The following TSNAXIP1 variants were observed in gnomAD, a reference collection of about 807,000 sequenced individuals.
The protein encoded by TSNAXIP1 is translin-associated factor X-interacting protein 1.
In TSNAXIP1, 89 loss-of-function variants were observed where a neutral mutation model predicts 84.8. The ratio of observed to expected loss-of-function variants is 1.05; its 90% CI spans 0.88 to 1.25. The LOEUF (loss-of-function observed/expected upper bound fraction) is 1.25. TSNAXIP1 is among the 50% of genes most tolerant of loss of function. The probability of loss-of-function intolerance (pLI) is 0.00; values close to 1 mark genes in which losing one functional copy is unlikely to be tolerated. For missense variants in TSNAXIP1, 874 were observed against 887.6 expected (o/e 0.98, Z 0.20); for synonymous variants, 347 against 335.2 (o/e 1.04, Z -0.39).
At chr16:67,821,711 C>T (rs1441082368) in intron 4 of TSNAXIP1, among the ~76,000 whole-genome samples, 3 of 152,118 alleles carry the variant, frequency 2.0e-5, no homozygotes, top group Non-Finnish European at 2.9e-5. Flanking sequence ...CCAGTGAGGC[C>T]GGGCACAGTG....
chr16:67,825,354 C>A (rs117624237), intron 7 of TSNAXIP1, 82 bp downstream of exon 7: 50,727 of 1,563,114 alleles, frequency 0.032, 914 homozygotes, highest in Non-Finnish European at 0.036. Context: ...CCCATTCATT[C>A]AGCATTCCTA....
At chr16:67,821,865 G>A (rs1330303883) in intron 4 of TSNAXIP1, among the ~76,000 whole-genome samples, 1 of 152,002 alleles carries the variant, frequency 6.6e-6, no homozygotes, top group African/African-American at 2.4e-5. Context: ...CACACCTGTA[G>A]TCCCAGCTAC....
rs370715618 is a variant in TSNAXIP1, at chr16:67,814,483, ACCCACCTGAAACATG to A, written c.147+104_147+118del. The A allele has an allele frequency of 5.4e-3, 6,226 of 1,149,820 alleles. 236 individuals carry two copies. The African/African-American group carries it at 0.078, about 14-fold the overall frequency. The allele number at this position is 1,149,820 out of a possible 1,614,324, so 71.2% of individuals were successfully genotyped here. ...TCCCTTCCTGCAACCCAAGAGTACC[ACCCACCTGAAACATG>A]CCCACCTGAAACATGCCCACCAGAG... On this transcript the variant is annotated intron_variant, in intron 2 of 15. Coordinates refer to ENST00000561639, the MANE Select transcript of TSNAXIP1 (RefSeq NM_001288990.3).
intron 1 of TSNAXIP1, among the ~76,000 whole-genome samples, chr16:67,812,848 C>T (rs950400966): frequency 6.6e-6 from 1 of 152,044 alleles, no homozygotes; most frequent in East Asian, 1.9e-4. Flanking sequence ...TGGGCTCAAG[C>T]GATCTGCCCG....
At chr16:67,814,945 G>T (rs987987860) in intron 2 of TSNAXIP1, among the ~76,000 whole-genome samples, 1 of 152,000 alleles carries the variant, frequency 6.6e-6, no homozygotes, top group African/African-American at 2.4e-5. Flanking sequence ...GGATCTCTCC[G>T]CCATTCCTCT....
At chr16:67,816,535 GAGAA>G (rs2056564701) in intron 2 of TSNAXIP1, among the ~76,000 whole-genome samples, 1 of 152,140 alleles carries the variant, frequency 6.6e-6, no homozygotes, top group South Asian at 2.1e-4. Flanking sequence ...CTCCAGGGAG[GAGAA>G]AGGAGGGGTC....
In TSNAXIP1 at chr16:67,821,129, C is replaced by A; in HGVS notation, c.291C>A (p.Ala97=). Reference sequence around the variant, plus strand: ...GCCAGCAGCACCCCTTTCGCACTGCCAAGCCCCAGTACTTGGAGGAACTGG... The same window carrying A: ...GCCAGCAGCACCCCTTTCGCACTGCAAAGCCCCAGTACTTGGAGGAACTGG... The part of the protein sequence containing the change: ...GSCQQHPFRT[A]KPQYLEELEN... Residue 97 remains alanine (A), a synonymous_variant, in exon 4 of 16, where the codon GCC becomes GCA. Coordinates refer to ENST00000561639, the MANE Select transcript of TSNAXIP1 (RefSeq NM_001288990.3). 6.2e-7 allele frequency: 1 copy of A among 1,613,014 alleles called. No individual in the cohort carries two copies. The highest frequency in any genetic ancestry group is 8.5e-7 in the Non-Finnish European group (1 of 1,179,596).
At chr16:67,818,921 C>T (rs1567754287) in intron 2 of TSNAXIP1, among the ~76,000 whole-genome samples, 1 of 152,018 alleles carries the variant, frequency 6.6e-6, no homozygotes, top group African/African-American at 2.4e-5. Flanking sequence ...CCAGGCTGGC[C>T]TCAAATTCCT....
At chr16:67,817,044 C>A (rs1187336293) in intron 2 of TSNAXIP1, among the ~76,000 whole-genome samples, 1 of 151,864 alleles carries the variant, frequency 6.6e-6, no homozygotes. Context: ...TGGCTCACTG[C>A]AACCTCCACC....
At chr16:67,814,513 G>A (rs2056380034) in intron 2 of TSNAXIP1, 112 bp downstream of exon 2, 6 of 867,574 alleles carry the variant, frequency 6.9e-6, no homozygotes, top group Non-Finnish European at 1.1e-5. Flanking sequence ...CCTGAAACAT[G>A]CCCACCAGAG....
At position 67,826,685 on chromosome 16, in the gene TSNAXIP1, C is replaced by T; in HGVS notation, c.1402-7C>T. ...GACTCTGACTGAGCATTTCCTCGAT[C>T]CCGCAGAAAGAGACGTTCCCAGATT... On this transcript the variant is annotated splice_region_variant and splice_polypyrimidine_tract_variant and intron_variant, in intron 11 of 15. Transcript: ENST00000561639. 2 of 1,612,786 alleles carry T rather than the reference C, an allele frequency of 1.2e-6. No individual in the cohort carries two copies. Among genetic ancestry groups the T allele is most frequent in the Non-Finnish European group, 1.7e-6 (2 of 1,179,324 alleles).
chr16:67,814,320 A>G lies in TSNAXIP1; in HGVS notation c.66A>G (p.Ser22=). The change falls in exon 2 of 16, where the codon TCA becomes TCG. Residue 22 remains serine, a synonymous_variant. Transcript: ENST00000561639. ...TGTGCAGATTACAGCCACGGCCTTC[A>G]GGAGTGACCATAGACGAATCCTTTC... ...SSASRLQPRP[S]GVTIDESFLT... The G allele has an allele frequency of 6.5e-7, 1 of 1,536,072 alleles. No homozygotes were observed. The highest frequency in any genetic ancestry group is 8.7e-7 in the Non-Finnish European group (1 of 1,146,898).
At position 67,827,745 on chromosome 16, in the gene TSNAXIP1, T is replaced by C; in HGVS notation, c.1899-8T>C. The C allele has an allele frequency of 6.2e-7, 1 of 1,613,718 alleles. No individual in the cohort carries two copies. Among genetic ancestry groups the C allele is most frequent in the South Asian group, 1.1e-5 (1 of 91,050 alleles). On this transcript the variant is annotated splice_polypyrimidine_tract_variant and splice_region_variant and intron_variant, in intron 15 of 15. Coordinates refer to ENST00000561639, the MANE Select transcript of TSNAXIP1 (RefSeq NM_001288990.3). ...TCAGGGCCTGTCACTCTCTTTCCTG[T>C]GGGGCAGCCATGAGGAAGTGACTCT...
chr16:67,812,627 T>C (rs1023215032), intron 1 of TSNAXIP1, among the ~76,000 whole-genome samples: 1 of 149,322 alleles, frequency 6.7e-6, no homozygotes, highest in African/African-American at 2.5e-5. Flanking sequence ...GATCATGCCA[T>C]TGCACTCCAG....
At chr16:67,814,893 G>A (rs897597203) in intron 2 of TSNAXIP1, among the ~76,000 whole-genome samples, 1 of 152,160 alleles carries the variant, frequency 6.6e-6, no homozygotes, top group Non-Finnish European at 1.5e-5. Flanking sequence ...GTAGGTGTGT[G>A]AAGGCAGGAG....
In TSNAXIP1 at chr16:67,825,659, C is replaced by A; in HGVS notation, c.815-8C>A. The A allele has an allele frequency of 6.2e-7, 1 of 1,604,902 alleles. No individual in the cohort carries two copies. The highest frequency in any genetic ancestry group is 1.1e-5 in the South Asian group (1 of 90,348). The stretch of plus-strand genomic sequence containing the variant: ...TGACACGGGCTGGTGGGCCCCTTCC[C>A]CTGGCAGGCATCTGGGGGGAGGACC... On this transcript the variant is annotated splice_polypyrimidine_tract_variant and splice_region_variant and intron_variant, in intron 7 of 15. Transcript: ENST00000561639.
At chr16:67,807,804 A>G (rs1038324534) in intron 1 of TSNAXIP1, 1 of 182,388 alleles carries the variant, frequency 5.5e-6, no homozygotes, top group Non-Finnish European at 1.2e-5. Context: ...AATCCTCACA[A>G]CAACTGTATA....
In TSNAXIP1 at chr16:67,807,070, C is replaced by A. The variant is rs1221446251; in HGVS notation, c.-80C>A. 3 of 1,513,510 alleles carry A rather than the reference C, an allele frequency of 2.0e-6. No homozygotes were observed. Among genetic ancestry groups the A allele is most frequent in the Non-Finnish European group, 2.6e-6 (3 of 1,133,436 alleles). The allele number at this position is 1,513,510 out of a possible 1,614,324, so 93.8% of individuals were successfully genotyped here. On this transcript the variant is annotated 5_prime_UTR_variant, in exon 1 of 16. Transcript: ENST00000561639. ...CCCCGCCGCGGGGGGGCCTCTGGGG[C>A]CTGGTCGCCATGGCGACCGGCTGTA...
intron 1 of TSNAXIP1, among the ~76,000 whole-genome samples, chr16:67,808,377 C>A (rs754110878): frequency 1.3e-5 from 2 of 152,094 alleles, no homozygotes; most frequent in Non-Finnish European, 1.5e-5. Context: ...GAGATCGAGA[C>A]CATCCTGGCT....
Sources: allele counts gnomAD v4.1 joint callset (sites outside exome capture counted in the v4.1 genomes callset), GRCh38; gene constraint gnomAD v4.1.1; transcripts MANE v1.5; gene names NCBI Gene and HGNC (gene_info 2026-07-23, HGNC 2026-07-21).